RBM6: variants seen among roughly 807,000 people sequenced by gnomAD.
The protein encoded by RBM6 is RNA-binding protein 6.
Under a neutral mutation model 140.4 loss-of-function variants are expected in RBM6, and 23 were observed. The observed-to-expected ratio is 0.16, with a 90% confidence interval of 0.12 to 0.23. The LOEUF is 0.23. Among genes scored for constraint, RBM6 ranks in the 10% least tolerant of loss-of-function variants. RBM6 has a pLI of 1.00. For missense variants in RBM6, 1,139 were observed against 1,386.7 expected (o/e 0.82, Z 2.84); for synonymous variants, 439 against 475.6 (o/e 0.92, Z 1.00).
At chr3:50,033,636 A>G (rs2088317105) in intron 6 of RBM6, among the ~76,000 whole-genome samples, 1 of 151,662 alleles carries the variant, frequency 6.6e-6, no homozygotes, top group South Asian at 2.1e-4. Context: ...GCAGCTTTGG[A>G]TATGGTTTTT....
chr3:49,957,686 C>T (rs1212966756), intron 1 of RBM6, among the ~76,000 whole-genome samples: 2 of 152,072 alleles, frequency 1.3e-5, no homozygotes, highest in Admixed American at 6.6e-5. Flanking sequence ...CTTTGTAAAT[C>T]GTATCTCAGG....
Position 50,060,975 on chromosome 3 carries a change from T to A in RBM6, c.2248T>A (p.Ser750Thr). Residue 750 changes from serine (S) to threonine (T), a missense_variant, in exon 12 of 21, where the codon TCT becomes ACT. Coordinates refer to ENST00000266022, the MANE Select transcript of RBM6 (RefSeq NM_005777.3). ...TTGCAGAAATGATTCTGGGGACCATTCTGACCACATGCATTACTATCAGGT... is the reference window on the plus strand; with the variant it reads ...TTGCAGAAATGATTCTGGGGACCATACTGACCACATGCATTACTATCAGGT... The part of the protein sequence containing the change: ...GKRRNDSGDH[S>T]DHMHYYQGKK... 1 of 1,583,552 alleles carries A rather than the reference T, an allele frequency of 6.3e-7. No individual in the cohort carries two copies. The highest frequency in any genetic ancestry group is 8.6e-7 in the Non-Finnish European group (1 of 1,167,296).
intron 6 of RBM6, among the ~76,000 whole-genome samples, chr3:50,009,984 G>A (rs1441304964): frequency 6.6e-6 from 1 of 151,942 alleles, no homozygotes; most frequent in Non-Finnish European, 1.5e-5. Context: ...TGCCTCCCGG[G>A]TTCCAGTGAT....
At chr3:50,055,228 G>T (rs1239679788) in intron 8 of RBM6, among the ~76,000 whole-genome samples, 1 of 152,224 alleles carries the variant, frequency 6.6e-6, no homozygotes, top group Non-Finnish European at 1.5e-5. Flanking sequence ...AGGAGTTCAA[G>T]ACCAGCCTGA....
chr3:50,060,574 C>T lies in RBM6; in HGVS notation c.2229-382C>T, dbSNP rs868644083. Among the ~76,000 whole-genome samples the T allele has an allele frequency of 1.3e-4, 17 of 129,416 alleles. No individual in the cohort carries two copies. In the South Asian group the frequency reaches 2.2e-3, roughly 16 times the overall value. 84.9% of individuals were successfully genotyped at this position (129,416 alleles called of 152,430 possible). A position where few individuals can be genotyped will look rare whatever the true frequency, so the allele number is the denominator to read the frequency against. ...CATCCTGGCTAACACGGTAAAACCC[C>T]GTCTCTACTAAAAATACAAAAAAAA... is the stretch of plus-strand genomic sequence containing the variant. On this transcript the variant is annotated intron_variant, in intron 11 of 20. Coordinates refer to ENST00000266022, the MANE Select transcript of RBM6 (RefSeq NM_005777.3).
At chr3:50,031,345 A>G (rs987580775) in intron 6 of RBM6, among the ~76,000 whole-genome samples, 2 of 152,336 alleles carry the variant, frequency 1.3e-5, no homozygotes, top group East Asian at 3.9e-4. Context: ...ATGTCCATCA[A>G]TGATAGACTG....
chr3:49,990,823 G>A (rs1274826424), intron 5 of RBM6, among the ~76,000 whole-genome samples: 1 of 152,188 alleles, frequency 6.6e-6, no homozygotes. Flanking sequence ...GTCTGAACAT[G>A]TTCAGGAATG....
intron 3 of RBM6, among the ~76,000 whole-genome samples, 191 bp downstream of exon 3, chr3:49,968,939 ACGCCTGGTGTGAGCCACCG>A (rs1345601536): frequency 6.9e-5 from 10 of 145,690 alleles, no homozygotes; most frequent in Admixed American, 6.8e-4. Context: ...GCCCACCACC[ACGCCTGGTGTGAGCCACCG>A]CGCCCGGCCT....
intron 6 of RBM6, among the ~76,000 whole-genome samples, chr3:50,003,330 AAAGT>A (rs1231425873): frequency 4.7e-5 from 7 of 148,330 alleles, no homozygotes; most frequent in Non-Finnish European, 7.4e-5. Context: ...AAAAAAAAAA[AAAGT>A]CTTTGTCTAT....
chr3:50,027,974 G>A (rs2087934357), intron 6 of RBM6, among the ~76,000 whole-genome samples: 1 of 152,028 alleles, frequency 6.6e-6, no homozygotes, highest in African/African-American at 2.4e-5. Flanking sequence ...TAGATAACCA[G>A]GTTTCAATTC....
chr3:50,059,303 GAA>G (rs2089844654), intron 10 of RBM6: 1 of 163,534 alleles, frequency 6.1e-6, no homozygotes, highest in South Asian at 1.9e-4. Context: ...TGAAGATAAT[GAA>G]AGTCATTGGT....
At chr3:49,968,770 CTTTTTTTTTTTTTTT>C (rs569224640) in intron 3 of RBM6, 22 bp downstream of exon 3, 144 of 699,736 alleles carry the variant, frequency 2.1e-4, no homozygotes, top group Non-Finnish European at 2.3e-4. Context: ...GGGTGGATTG[CTTTTTTTTTTTTTTT>C]TTTTTTTTTT....
At position 49,967,907 on chromosome 3, in the gene RBM6, A is replaced by T. The variant is rs1417043489; in HGVS notation, c.482A>T (p.His161Leu). ...ATGAACTACAGAGACAGGGATGCTC[A>T]CGCTGTTGACTTCAGAGGTAGGGAT... ...PHMNYRDRDAHAVDFRGRDAP... is the reference protein window; with the variant it reads ...PHMNYRDRDALAVDFRGRDAP... Residue 161 changes from histidine to leucine, a missense_variant, in exon 3 of 21, where the codon CAC becomes CTC. By Grantham distance (99) the His-to-Leu change is moderately conservative. Coordinates refer to ENST00000266022, the MANE Select transcript of RBM6 (RefSeq NM_005777.3). The surrounding 1 kb of genome is among the most constrained non-coding windows in gnomAD (Gnocchi z 4.0). 6.2e-7 allele frequency: 1 copy of T among 1,613,612 alleles called. No homozygotes were observed. Among genetic ancestry groups the T allele is most frequent in the East Asian group, 2.2e-5 (1 of 44,884 alleles).
chr3:49,968,054 A>C lies in RBM6; in HGVS notation c.629A>C (p.Gln210Pro). 1.9e-6 allele frequency: 3 copies of C among 1,614,174 alleles called. No individual in the cohort carries two copies. Among genetic ancestry groups the C allele is most frequent in the Non-Finnish European group, 2.5e-6 (3 of 1,180,024 alleles). The change falls in exon 3 of 21, where the codon CAG becomes CCG. Residue 210 changes from glutamine (Q) to proline (P), a missense_variant. Gln to Pro is a moderately conservative substitution (Grantham distance 76). Transcript: ENST00000266022. ...GATTTGGATTTTAGGGCCAGAGAAC[A>C]GTCCCGTTCTGATTTTAGGAATAGA... ...LSDLDFRARE[Q>P]SRSDFRNRDV...
At chr3:50,035,565 C>T (rs1356398423) in intron 6 of RBM6, among the ~76,000 whole-genome samples, 2 of 151,826 alleles carry the variant, frequency 1.3e-5, no homozygotes, top group Non-Finnish European at 2.9e-5. Flanking sequence ...GCCTGTAGTC[C>T]CAGCTACTTG....
chr3:50,012,524 A>G (rs2086903609), intron 6 of RBM6, among the ~76,000 whole-genome samples: 1 of 150,870 alleles, frequency 6.6e-6, no homozygotes, highest in Non-Finnish European at 1.5e-5. Context: ...CGCCCGGCTA[A>G]GTTTTTGTAT....
chr3:50,054,613 C>T (rs1240302053), intron 8 of RBM6, among the ~76,000 whole-genome samples: 1 of 151,452 alleles, frequency 6.6e-6, no homozygotes, highest in Non-Finnish European at 1.5e-5. Context: ...TCAAGCGATT[C>T]CCCTGCCCTA....
At chr3:50,016,260 G>A (rs2087140876) in intron 6 of RBM6, among the ~76,000 whole-genome samples, 1 of 151,932 alleles carries the variant, frequency 6.6e-6, no homozygotes, top group Non-Finnish European at 1.5e-5. Flanking sequence ...TCCACATGTC[G>A]CAAATGGCAG....
intron 5 of RBM6, among the ~76,000 whole-genome samples, chr3:49,994,592 T>A (rs778051470): frequency 6.6e-6 from 1 of 152,136 alleles, no homozygotes; most frequent in Non-Finnish European, 1.5e-5. Context: ...TCTATTGATG[T>A]TTCATGGTGC....
Sources: gnomAD v4.1 joint callset for allele counts (sites outside exome capture counted in the v4.1 genomes callset) on GRCh38, gnomAD v4.1.1 for gene constraint, Gnocchi (gnomAD v3.1) non-coding constraint, MANE v1.5 for transcripts, NCBI Gene and HGNC (gene_info 2026-07-23, HGNC 2026-07-21) for gene names.